The following DIAPH3 variants were observed in gnomAD, a reference collection of about 807,000 sequenced individuals.
DIAPH3 encodes the protein protein diaphanous homolog 3.
In DIAPH3, 117 loss-of-function variants were observed where a neutral mutation model predicts 144.3. The ratio of observed to expected loss-of-function variants is 0.81; its 90% CI spans 0.70 to 0.95. The LOEUF (loss-of-function observed/expected upper bound fraction) is 0.95. Among genes scored for constraint, DIAPH3 ranks in the 40% least tolerant of loss-of-function variants. DIAPH3 has a pLI of 0.00. For missense variants in DIAPH3, 1,421 were observed against 1,412.7 expected (o/e 1.01, Z -0.09); for synonymous variants, 519 against 488.9 (o/e 1.06, Z -0.81).
intron 27 of DIAPH3, among the ~76,000 whole-genome samples, chr13:59,714,268 G>A (rs1169545825): frequency 2.0e-5 from 3 of 150,178 alleles, no homozygotes; most frequent in African/African-American, 7.3e-5. Flanking sequence ...GCTGAGGCAG[G>A]AGAATGGCGT....
chr13:60,005,958 T>C (rs1028001919), intron 9 of DIAPH3, among the ~76,000 whole-genome samples: 9 of 152,216 alleles, frequency 5.9e-5, no homozygotes, highest in Non-Finnish European at 1.3e-4. Context: ...AACTTTTAAC[T>C]GATAGTTCTC....
chr13:59,960,463 T>C (rs2049687475), intron 17 of DIAPH3, among the ~76,000 whole-genome samples: 1 of 152,130 alleles, frequency 6.6e-6, no homozygotes, highest in African/African-American at 2.4e-5. Context: ...CTGCTAGCAA[T>C]CTATGAAACT....
At chr13:60,109,161 G>GA (rs549861960) in intron 3 of DIAPH3, among the ~76,000 whole-genome samples, 151 of 152,132 alleles carry the variant, frequency 9.9e-4, no homozygotes, top group African/African-American at 3.3e-3. Flanking sequence ...GAGTAAACTG[G>GA]AAAAAACTGG....
chr13:59,809,701 G>A (rs1029578184), intron 25 of DIAPH3, among the ~76,000 whole-genome samples: 8 of 152,068 alleles, frequency 5.3e-5, no homozygotes, highest in Non-Finnish European at 1.2e-4. Context: ...ATTGTGCTTA[G>A]ATGATTTTTC....
intron 12 of DIAPH3, among the ~76,000 whole-genome samples, chr13:59,990,057 T>A (rs549420634): frequency 6.6e-6 from 1 of 152,002 alleles, no homozygotes; most frequent in East Asian, 1.9e-4. Flanking sequence ...AAAATCTAAA[T>A]TAGCAATTCT....
intron 21 of DIAPH3, among the ~76,000 whole-genome samples, chr13:59,867,323 C>A (rs927032007): frequency 2.6e-5 from 4 of 150,992 alleles, no homozygotes; most frequent in African/African-American, 9.7e-5. Context: ...CAAAACAAGC[C>A]TAAGGTGCTT....
intron 27 of DIAPH3, among the ~76,000 whole-genome samples, chr13:59,746,662 A>G (rs988774977): frequency 2.0e-5 from 3 of 152,186 alleles, no homozygotes; most frequent in African/African-American, 4.8e-5. Context: ...CAGCTACACA[A>G]TAAGTTTTGG....
At chr13:60,010,875 G>T (rs1272351649) in intron 7 of DIAPH3, among the ~76,000 whole-genome samples, 1 of 152,160 alleles carries the variant, frequency 6.6e-6, no homozygotes, top group Non-Finnish European at 1.5e-5. Context: ...GGAGGCAGAG[G>T]CGGGCAGATT....
At chr13:59,727,926 C>T (rs890435017) in intron 27 of DIAPH3, among the ~76,000 whole-genome samples, 1 of 152,038 alleles carries the variant, frequency 6.6e-6, no homozygotes, top group Non-Finnish European at 1.5e-5. Flanking sequence ...AGTCCTGCAG[C>T]AGGGTTTAAC....
chr13:59,743,280 G>C (rs1303409750), intron 27 of DIAPH3, among the ~76,000 whole-genome samples: 1 of 152,214 alleles, frequency 6.6e-6, no homozygotes, highest in Non-Finnish European at 1.5e-5. Flanking sequence ...GTTGGCCTGA[G>C]ATAAAGCAGT....
chr13:60,091,538 T>G (rs1291559536), intron 4 of DIAPH3, among the ~76,000 whole-genome samples: 1 of 152,066 alleles, frequency 6.6e-6, no homozygotes, highest in Non-Finnish European at 1.5e-5. Context: ...GCTCAAGAGA[T>G]CTGCCTCCCA....
chr13:59,932,785 T>C (rs987125082), intron 17 of DIAPH3, among the ~76,000 whole-genome samples: 8 of 152,114 alleles, frequency 5.3e-5, no homozygotes, highest in East Asian at 1.9e-4. Flanking sequence ...AGTGAGAATA[T>C]GGACAAAGGG....
intron 4 of DIAPH3, among the ~76,000 whole-genome samples, chr13:60,084,383 G>A (rs2057681546): frequency 1.3e-5 from 2 of 151,572 alleles, no homozygotes; most frequent in Non-Finnish European, 2.9e-5. Flanking sequence ...TCCTAGCTAT[G>A]GCATTAATGT....
chr13:59,886,565 T>C (rs1353064902), intron 20 of DIAPH3, among the ~76,000 whole-genome samples: 1 of 152,084 alleles, frequency 6.6e-6, no homozygotes, highest in Non-Finnish European at 1.5e-5. Context: ...AAATGAAATC[T>C]TAACAATACC....
intron 21 of DIAPH3, among the ~76,000 whole-genome samples, 165 bp from the exon 22 acceptor site, chr13:59,861,701 T>C (rs2043600874): frequency 6.6e-6 from 1 of 152,210 alleles, no homozygotes; most frequent in South Asian, 2.1e-4. Flanking sequence ...AAAACTACTT[T>C]TGACTTGCTG....
chr13:59,761,359 T>A (rs4886196), intron 27 of DIAPH3, among the ~76,000 whole-genome samples: 51,960 of 151,900 alleles, frequency 0.34, 9,355 homozygotes, highest in African/African-American at 0.44. Context: ...TCTTGCTTAC[T>A]AAGGAGTCAG....
At chr13:60,125,437 C>A (rs2058965943) in intron 2 of DIAPH3, among the ~76,000 whole-genome samples, 1 of 132,602 alleles carries the variant, frequency 7.5e-6, no homozygotes, top group East Asian at 2.8e-4. Flanking sequence ...GACAGGGTCT[C>A]CCTATCTTGC....
intron 20 of DIAPH3, among the ~76,000 whole-genome samples, chr13:59,897,851 G>T (rs1368253587): frequency 6.6e-6 from 1 of 151,590 alleles, no homozygotes; most frequent in African/African-American, 2.4e-5. Context: ...GAGAATGAAG[G>T]CTGGGCGTGG....
At chr13:59,840,176 T>C (rs1442922043) in intron 22 of DIAPH3, among the ~76,000 whole-genome samples, 2 of 152,106 alleles carry the variant, frequency 1.3e-5, no homozygotes, top group African/African-American at 2.4e-5. Flanking sequence ...GATTTAATAG[T>C]GCAAAAAGAA....
Sources: gnomAD v4.1 joint callset for allele counts (sites outside exome capture counted in the v4.1 genomes callset) on GRCh38, gnomAD v4.1.1 for gene constraint, MANE v1.5 for transcripts, NCBI Gene and HGNC (gene_info 2026-07-23, HGNC 2026-07-21) for gene names.